The following TMEM38B variants were observed in gnomAD, a reference collection of about 807,000 sequenced individuals.
TMEM38B encodes the protein transmembrane protein 38B, also known as trimeric intracellular cation channel type B.
TMEM38B carries 24 observed loss-of-function variants against 28.7 expected under a neutral mutation model. The observed-to-expected ratio is 0.84, with a 90% CI of 0.61 to 1.18. The LOEUF is 1.18. TMEM38B is among the 50% of genes most tolerant of loss of function. The pLI, the probability that TMEM38B is intolerant of heterozygous loss-of-function variation, is 0.00. For missense variants in TMEM38B, 380 were observed against 350.9 expected (o/e 1.08, Z -0.66); for synonymous variants, 131 against 127.7 (o/e 1.03, Z -0.17).
rs1325063817 is a variant in TMEM38B at position 105,774,249 on chromosome 9, T to C, written c.*169T>C. 7 of 608,730 alleles carry C rather than the reference T, an allele frequency of 1.1e-5. No homozygotes were observed. The highest frequency in any genetic ancestry group is 2.0e-5 in the Non-Finnish European group (7 of 348,106). The allele number at this position is 608,730 out of a possible 1,614,324, so 37.7% of individuals were successfully genotyped here. A position where few individuals can be genotyped will look rare whatever the true frequency, so the allele number is the denominator to read the frequency against. On this transcript the variant is annotated 3_prime_UTR_variant, in exon 6 of 6. Transcript: ENST00000374692. ...AGGGAGACTTCCCCTTTCTGGATTG[T>C]ATTTGTAGAGTGTTACGAGTGTATC...
chr9:105,765,403 A>G (rs926362302), intron 5 of TMEM38B, among the ~76,000 whole-genome samples: 1 of 152,176 alleles, frequency 6.6e-6, no homozygotes, highest in Non-Finnish European at 1.5e-5. Context: ...CATTTTGATG[A>G]GTTTTGACAA....
At chr9:105,698,914 T>C (rs1405389582) in intron 1 of TMEM38B, among the ~76,000 whole-genome samples, 2 of 152,204 alleles carry the variant, frequency 1.3e-5, no homozygotes, top group African/African-American at 4.8e-5. Context: ...GTAATTTATG[T>C]CTCTCTCAGG....
rs565223452 is a variant in TMEM38B at position 105,697,542 on chromosome 9, A to G, written c.112+2770A>G. On this transcript the variant is annotated intron_variant, in intron 1 of 5. Coordinates refer to ENST00000374692, the MANE Select transcript of TMEM38B (RefSeq NM_018112.3). Reference sequence around the variant, plus strand: ...TGGTACTGATGTGTTTGTGCCTCTTATTGGTCATTTGTATTTCATGTAAAT... The same window carrying G: ...TGGTACTGATGTGTTTGTGCCTCTTGTTGGTCATTTGTATTTCATGTAAAT... Among the ~76,000 whole-genome samples the G allele has an allele frequency of 8.6e-5, 13 of 151,966 alleles. No homozygotes were observed. The East Asian group carries it at 1.9e-3, about 23-fold the overall frequency.
chr9:105,717,169 A>T (rs1272955556), intron 2 of TMEM38B, among the ~76,000 whole-genome samples: 5 of 152,210 alleles, frequency 3.3e-5, no homozygotes, highest in African/African-American at 1.2e-4. Flanking sequence ...ATTAGTTTTT[A>T]TGTCACTTCT....
At chr9:105,752,138 G>A (rs532644783) in intron 5 of TMEM38B, among the ~76,000 whole-genome samples, 3 of 152,080 alleles carry the variant, frequency 2.0e-5, no homozygotes, top group African/African-American at 2.4e-5. Flanking sequence ...ACCTCCCTAC[G>A]GGGACTTCAT....
chr9:105,719,824 G>A (rs1257570578), intron 2 of TMEM38B, among the ~76,000 whole-genome samples: 2 of 151,950 alleles, frequency 1.3e-5, no homozygotes, highest in Non-Finnish European at 2.9e-5. Flanking sequence ...TCTTTTGGTT[G>A]TTTTTCTGAA....
At chr9:105,714,419 G>A (rs1836020317) in intron 2 of TMEM38B, among the ~76,000 whole-genome samples, 1 of 152,176 alleles carries the variant, frequency 6.6e-6, no homozygotes, top group Non-Finnish European at 1.5e-5. Flanking sequence ...GCCCAGAAAA[G>A]TGACATCCCA....
intron 5 of TMEM38B, among the ~76,000 whole-genome samples, chr9:105,770,263 C>T (rs1021969842): frequency 6.6e-6 from 1 of 152,142 alleles, no homozygotes. Flanking sequence ...GATATGCTAA[C>T]TTGACTTTTA....
At chr9:105,731,044 T>G (rs1359538504) in intron 4 of TMEM38B, among the ~76,000 whole-genome samples, 1 of 152,192 alleles carries the variant, frequency 6.6e-6, no homozygotes, top group African/African-American at 2.4e-5. Context: ...TTTTGAAGGG[T>G]TTTTTGTGTC....
intron 4 of TMEM38B, among the ~76,000 whole-genome samples, chr9:105,729,539 G>T (rs1458330545): frequency 1.3e-5 from 2 of 152,092 alleles, no homozygotes; most frequent in Non-Finnish European, 2.9e-5. Flanking sequence ...TGTTCTTTTT[G>T]CTTAGGGTTT....
intron 2 of TMEM38B, among the ~76,000 whole-genome samples, chr9:105,720,272 G>A (rs547012018): frequency 1.6e-4 from 25 of 152,156 alleles, no homozygotes; most frequent in Non-Finnish European, 3.1e-4. Flanking sequence ...TTTTAGGTTA[G>A]AGGGTAACAA....
Position 105,706,504 on chromosome 9 carries a change from G to A in TMEM38B, c.269+751G>A, listed in dbSNP as rs115974277. On this transcript the variant is annotated intron_variant, in intron 2 of 5. Coordinates refer to ENST00000374692, the MANE Select transcript of TMEM38B (RefSeq NM_018112.3). ...AAGACAGAGCGAGGTTTTTATAAGT[G>A]GGCTCATAAGAGCAAAACAAAGGTA... Among the ~76,000 whole-genome samples, 1,218 of 152,234 alleles carry A rather than the reference G, an allele frequency of 8.0e-3. 9 individuals carry two copies. The highest frequency in any genetic ancestry group is 0.027 in the African/African-American group (1,129 of 41,522).
chr9:105,759,190 C>T (rs1409781940), intron 5 of TMEM38B: 14 of 737,082 alleles, frequency 1.9e-5, no homozygotes, highest in Middle Eastern at 3.8e-4. Flanking sequence ...CTCCTTGAAC[C>T]TCTCCTTACT....
intron 4 of TMEM38B, among the ~76,000 whole-genome samples, chr9:105,729,761 C>T (rs112700816): frequency 1.3e-3 from 201 of 152,170 alleles, no homozygotes; most frequent in African/African-American, 4.6e-3. Flanking sequence ...TTTTGTTGAG[C>T]AGTGGTTTGT....
At position 105,749,989 on chromosome 9, in the gene TMEM38B, T is replaced by G. The variant is rs114198764; in HGVS notation, c.660+1799T>G. ...TCTTTTTATATTCCCACCAGCAATG[T>G]GTGAGATTTCCAATTTCACCACACC... On this transcript the variant is annotated intron_variant, in intron 5 of 5. Coordinates refer to ENST00000374692, the MANE Select transcript of TMEM38B (RefSeq NM_018112.3). Among the ~76,000 whole-genome samples the G allele has an allele frequency of 7.9e-3, 1,204 of 152,342 alleles. 9 individuals carry two copies. The highest frequency in any genetic ancestry group is 0.027 in the African/African-American group (1,123 of 41,574).
chr9:105,761,054 A>G lies in TMEM38B; in HGVS notation c.661-12811A>G, dbSNP rs574278926. Among the ~76,000 whole-genome samples, 81 of 152,344 alleles carry G rather than the reference A, an allele frequency of 5.3e-4. 1 individual carries two copies. The highest frequency in any genetic ancestry group is 1.9e-3 in the African/African-American group (77 of 41,584). On this transcript the variant is annotated intron_variant, in intron 5 of 5. Transcript: ENST00000374692. ...TTGCTTGAATTTTCAAAATTGAGCT[A>G]TGTTCATCAAGATTAAACTATAATT...
At chr9:105,724,486 G>T (rs1299719588) in intron 4 of TMEM38B, among the ~76,000 whole-genome samples, 2 of 152,012 alleles carry the variant, frequency 1.3e-5, no homozygotes, top group African/African-American at 4.8e-5. Flanking sequence ...AACTGGGCGT[G>T]ATGGCATATA....
At chr9:105,707,789 A>G (rs925014307) in intron 2 of TMEM38B, among the ~76,000 whole-genome samples, 1 of 152,208 alleles carries the variant, frequency 6.6e-6, no homozygotes, top group African/African-American at 2.4e-5. Context: ...GAAGTTTTTA[A>G]CTTTAGAGTC....
chr9:105,729,624 A>G (rs1023853791), intron 4 of TMEM38B, among the ~76,000 whole-genome samples: 2 of 152,222 alleles, frequency 1.3e-5, no homozygotes, highest in East Asian at 1.9e-4. Flanking sequence ...GAAGAAAGTC[A>G]TTGGTAGCTT....
Sources: gnomAD v4.1 joint callset for allele counts (sites outside exome capture counted in the v4.1 genomes callset) on GRCh38, gnomAD v4.1.1 for gene constraint, MANE v1.5 for transcripts, NCBI Gene and HGNC (gene_info 2026-07-23, HGNC 2026-07-21) for gene names.